MOSMO: variants seen among roughly 807,000 people sequenced by gnomAD.
The protein encoded by MOSMO is modulator of smoothened protein.
In MOSMO, 5 loss-of-function variants were observed where a neutral mutation model predicts 18.4. The observed-to-expected ratio is 0.27, with a 90% confidence interval of 0.14 to 0.57. The LOEUF (loss-of-function observed/expected upper bound fraction) is 0.57, where lower values mean the gene tolerates loss of function less well. MOSMO is among the 20% of genes least tolerant of loss of function. The pLI is 0.92. For missense variants in MOSMO, 138 were observed against 211.8 expected, an observed-to-expected ratio of 0.65 and a Z score of 2.16; for synonymous variants, 82 against 82.3, an observed-to-expected ratio of 1.00 and a Z score of 0.02.
intron 1 of MOSMO, among the ~76,000 whole-genome samples, chr16:22,054,213 A>C (rs1321103029): frequency 1.3e-5 from 2 of 151,924 alleles, no homozygotes; most frequent in Admixed American, 1.3e-4. Context: ...TTTGTGCCTT[A>C]GCCTCCCTAG....
intron 1 of MOSMO, among the ~76,000 whole-genome samples, chr16:22,041,945 C>T (rs1900218156): frequency 6.6e-6 from 1 of 152,120 alleles, no homozygotes; most frequent in Admixed American, 6.5e-5. Context: ...CTTGACTTCG[C>T]TAAGTGCTAG....
chr16:22,065,789 G>C (rs1281971342), intron 1 of MOSMO, among the ~76,000 whole-genome samples: 1 of 152,088 alleles, frequency 6.6e-6, no homozygotes, highest in Non-Finnish European at 1.5e-5. Flanking sequence ...TAACTGACTT[G>C]CCCAAATTAG....
intron 1 of MOSMO, among the ~76,000 whole-genome samples, chr16:22,056,217 CTCTT>C (rs776936566): frequency 9.9e-5 from 15 of 152,034 alleles, no homozygotes; most frequent in Non-Finnish European, 2.1e-4. Context: ...TTATTTAGTT[CTCTT>C]TCTAAAACGT....
intron 1 of MOSMO, among the ~76,000 whole-genome samples, chr16:22,022,860 A>G (rs923967431): frequency 6.6e-6 from 1 of 152,162 alleles, no homozygotes; most frequent in African/African-American, 2.4e-5. Context: ...CCCTGATCTC[A>G]GATTTCCAGC....
At chr16:22,013,491 CTT>C (rs1281930808) in intron 1 of MOSMO, among the ~76,000 whole-genome samples, 1 of 152,048 alleles carries the variant, frequency 6.6e-6, no homozygotes, top group African/African-American at 2.4e-5. Flanking sequence ...CCTGAAGAGA[CTT>C]TTTGTCAGGG....
At chr16:22,052,122 T>A (rs948705732) in intron 1 of MOSMO, among the ~76,000 whole-genome samples, 2 of 152,192 alleles carry the variant, frequency 1.3e-5, no homozygotes, top group African/African-American at 4.8e-5. Flanking sequence ...ATGAATTTCG[T>A]AACGATAAAT....
intron 1 of MOSMO, among the ~76,000 whole-genome samples, chr16:22,033,186 A>C (rs1900032268): frequency 6.6e-6 from 1 of 152,132 alleles, no homozygotes; most frequent in South Asian, 2.1e-4. Flanking sequence ...TTTCCATATA[A>C]ATTTTAGGAT....
At chr16:22,025,152 A>T (rs1226212335) in intron 1 of MOSMO, among the ~76,000 whole-genome samples, 1 of 140,560 alleles carries the variant, frequency 7.1e-6, no homozygotes, top group African/African-American at 2.6e-5. Flanking sequence ...GACTCTGTCT[A>T]AAAAAAAAAA....
chr16:22,034,026 G>GT (rs1017818351), intron 1 of MOSMO, among the ~76,000 whole-genome samples: 23 of 152,264 alleles, frequency 1.5e-4, no homozygotes, highest in Non-Finnish European at 2.8e-4. Context: ...TTGAAAAACT[G>GT]TAAGTCACGG....
At chr16:22,051,762 G>C (rs868372620) in intron 1 of MOSMO, among the ~76,000 whole-genome samples, 1 of 152,182 alleles carries the variant, frequency 6.6e-6, no homozygotes, top group South Asian at 2.1e-4. Flanking sequence ...TGGAGGCCCC[G>C]GCTTGTGACT....
At chr16:22,065,612 A>G (rs1900734206) in intron 1 of MOSMO, among the ~76,000 whole-genome samples, 1 of 152,146 alleles carries the variant, frequency 6.6e-6, no homozygotes, top group Non-Finnish European at 1.5e-5. Flanking sequence ...TGTCCTGTGT[A>G]TGTTTTAACA....
Position 22,083,599 on chromosome 16 carries a change from A to G in MOSMO, c.*2719A>G. ...GTATTAATTTATAGCAGGAAATCGT[A>G]TCTTGTAAACTGTATATAAAACACT... On this transcript the variant is annotated 3_prime_UTR_variant, in exon 3 of 3. Transcript: ENST00000542527. 2 of 441,278 alleles carry G rather than the reference A, an allele frequency of 4.5e-6. No individual in the cohort carries two copies. Among genetic ancestry groups the G allele is most frequent in the South Asian group, 3.3e-5 (2 of 60,684 alleles). 27.3% of individuals were successfully genotyped at this position (441,278 alleles called of 1,614,324 possible).
chr16:22,092,318 T>TTA, downstream of MOSMO: 1 of 308,674 alleles, frequency 3.2e-6, no homozygotes, highest in Admixed American at 4.1e-5. Context: ...CTGTGCTGAC[T>TTA]GAGAGGTTCT....
rs1261114357 is a variant in MOSMO, at chr16:22,081,031, G to A, written c.*151G>A. 3.0e-6 allele frequency: 1 copy of A among 336,710 alleles called. No homozygotes were observed. Among genetic ancestry groups the A allele is most frequent in the African/African-American group, 2.2e-5 (1 of 45,360 alleles). 20.9% of individuals were successfully genotyped at this position (336,710 alleles called of 1,614,324 possible). On this transcript the variant is annotated 3_prime_UTR_variant, in exon 3 of 3. Transcript: ENST00000542527. ...CTGATGCTGAGAAGGAAAAAAAAAT[G>A]CTTTGGTTTGTTCTCACTATGCACT...
chr16:22,032,139 T>C (rs1312801143), intron 1 of MOSMO, among the ~76,000 whole-genome samples: 1 of 152,136 alleles, frequency 6.6e-6, no homozygotes, highest in Non-Finnish European at 1.5e-5. Context: ...TTATTGGCCA[T>C]TTCTGTATCT....
Position 22,008,202 on chromosome 16 carries a change from C to T in MOSMO, c.-100C>T, listed in dbSNP as rs1429027315. ...CGGGGGCCGAGGGGGCGCGAGGCAGCGGCGCGGGGACTCCGGGCCCCGGCG... is the reference window on the plus strand; with the variant it reads ...CGGGGGCCGAGGGGGCGCGAGGCAGTGGCGCGGGGACTCCGGGCCCCGGCG... On this transcript the variant is annotated 5_prime_UTR_variant, in exon 1 of 3. Transcript: ENST00000542527. The T allele has an allele frequency of 1.7e-5, 7 of 422,734 alleles. No homozygotes were observed. Among genetic ancestry groups the T allele is most frequent in the Admixed American group, 1.3e-4 (2 of 15,186 alleles). 26.2% of individuals were successfully genotyped at this position (422,734 alleles called of 1,614,324 possible).
chr16:22,008,715 G>T (rs549515190), intron 1 of MOSMO, among the ~76,000 whole-genome samples: 2 of 151,232 alleles, frequency 1.3e-5, no homozygotes, highest in African/African-American at 2.4e-5. Context: ...CGATGTGAGG[G>T]ATCGCAGAGG....
chr16:22,028,810 A>G (rs1899932103), intron 1 of MOSMO, among the ~76,000 whole-genome samples: 1 of 152,256 alleles, frequency 6.6e-6, no homozygotes, highest in East Asian at 1.9e-4. Flanking sequence ...CCTCACTCCC[A>G]TAGGCTTGAT....
chr16:22,009,162 G>A (rs1899462904), intron 1 of MOSMO, among the ~76,000 whole-genome samples: 1 of 152,190 alleles, frequency 6.6e-6, no homozygotes, highest in South Asian at 2.1e-4. Flanking sequence ...TTATAATTCT[G>A]CTTTATTTTA....
Sources: gnomAD v4.1 joint callset for allele counts (sites outside exome capture counted in the v4.1 genomes callset) on GRCh38, gnomAD v4.1.1 for gene constraint, MANE v1.5 for transcripts, NCBI Gene and HGNC (gene_info 2026-07-23, HGNC 2026-07-21) for gene names.